The following OPCML variants were observed in gnomAD, a reference collection of about 807,000 sequenced individuals.
The protein encoded by OPCML is opioid-binding protein/cell adhesion molecule.
OPCML carries 13 observed loss-of-function variants against 37.8 expected under a neutral mutation model. The observed-to-expected ratio is 0.34, with a 90% CI of 0.22 to 0.55. The LOEUF (loss-of-function observed/expected upper bound fraction) is 0.55, where lower values mean the gene tolerates loss of function less well. OPCML is among the 20% of genes least tolerant of loss of function. OPCML has a pLI of 0.91. For missense variants in OPCML, 341 were observed against 435.6 expected (o/e 0.78, Z 1.93); for synonymous variants, 176 against 168.8 (o/e 1.04, Z -0.33).
rs919597404 is a variant in OPCML, at chr11:132,832,412, A to T, written c.146+110514T>A. Among the ~76,000 whole-genome samples the T allele has an allele frequency of 3.9e-5, 6 of 152,216 alleles. 1 individual carries two copies. The highest frequency in any genetic ancestry group is 3.9e-4 in the Admixed American group (6 of 15,290). On this transcript the variant is annotated intron_variant, in intron 2 of 7. Transcript: ENST00000524381. ...TTTAGAATCTTTCTCTGACTTCCTC[A>T]TTCCAACCAAAGAATAGATATCCTT... is the stretch of plus-strand genomic sequence containing the variant.
chr11:133,061,952 G>C (rs1432964802), intron 1 of OPCML, among the ~76,000 whole-genome samples: 1 of 152,148 alleles, frequency 6.6e-6, no homozygotes, highest in Non-Finnish European at 1.5e-5. Flanking sequence ...TTTTGAGGAA[G>C]CCCATTGGAT....
chr11:133,096,572 G>A (rs1432915088), intron 1 of OPCML, among the ~76,000 whole-genome samples: 4 of 152,006 alleles, frequency 2.6e-5, no homozygotes, highest in South Asian at 2.1e-4. Context: ...TGAAAACATC[G>A]ATTAAAACAG....
At chr11:133,027,974 A>C (rs1250416192) in intron 1 of OPCML, among the ~76,000 whole-genome samples, 1 of 151,750 alleles carries the variant, frequency 6.6e-6, no homozygotes, top group Non-Finnish European at 1.5e-5. Context: ...GGAATTCTAC[A>C]TGTAGTGAAT....
At chr11:132,949,717 A>G (rs1945818286) in intron 1 of OPCML, among the ~76,000 whole-genome samples, 1 of 152,252 alleles carries the variant, frequency 6.6e-6, no homozygotes, top group Non-Finnish European at 1.5e-5. Context: ...GTAAATATGT[A>G]TGACACACCT....
At chr11:132,825,962 C>T (rs561240137) in intron 2 of OPCML, among the ~76,000 whole-genome samples, 2 of 152,268 alleles carry the variant, frequency 1.3e-5, no homozygotes, top group East Asian at 3.9e-4. Context: ...GTGTGAACCC[C>T]GCTACCTCCC....
chr11:133,439,347 AC>A, intron 1 of OPCML: 1 of 985,304 alleles, frequency 1.0e-6, no homozygotes, highest in Non-Finnish European at 1.2e-6. Context: ...AAACAAACAA[AC>A]CAAACTCCAC....
chr11:133,067,624 C>T (rs1468946378), intron 1 of OPCML: 1 of 152,208 alleles, frequency 6.6e-6, no homozygotes, highest in Non-Finnish European at 1.5e-5. Context: ...GAGAAGATGT[C>T]TTCACTCAGT....
intron 1 of OPCML, among the ~76,000 whole-genome samples, chr11:133,144,228 G>T (rs1015484808): frequency 6.6e-6 from 1 of 152,182 alleles, no homozygotes; most frequent in Admixed American, 6.5e-5. Context: ...CCCAGGGCTG[G>T]TTCCCAGGGA....
intron 3 of OPCML, among the ~76,000 whole-genome samples, chr11:132,596,107 T>A (rs375391406): frequency 1.3e-5 from 2 of 152,198 alleles, no homozygotes; most frequent in African/African-American, 4.8e-5. Context: ...GATTTTCACA[T>A]ACATGACATA....
At chr11:132,488,478 T>C (rs1227183830) in intron 4 of OPCML, among the ~76,000 whole-genome samples, 1 of 152,134 alleles carries the variant, frequency 6.6e-6, no homozygotes, top group East Asian at 1.9e-4. Flanking sequence ...CTGTAAGCAA[T>C]TGGAACTGTA....
intron 1 of OPCML, among the ~76,000 whole-genome samples, chr11:133,080,738 C>T (rs1197166201): frequency 1.3e-5 from 2 of 152,170 alleles, no homozygotes; most frequent in Non-Finnish European, 2.9e-5. Flanking sequence ...TATAAAAGCT[C>T]TTGTCGCTAT....
At chr11:132,896,271 A>G (rs1943838670) in intron 2 of OPCML, among the ~76,000 whole-genome samples, 1 of 152,206 alleles carries the variant, frequency 6.6e-6, no homozygotes, top group Non-Finnish European at 1.5e-5. Flanking sequence ...GGTCCAGAAG[A>G]CAGACTTTTC....
At chr11:133,267,729 T>C (rs1412831992) in intron 1 of OPCML, among the ~76,000 whole-genome samples, 3 of 152,058 alleles carry the variant, frequency 2.0e-5, no homozygotes, top group South Asian at 2.1e-4. Context: ...TGGGAGGTAA[T>C]TGAATCATGT....
At chr11:132,778,564 T>C (rs992395835) in intron 2 of OPCML, among the ~76,000 whole-genome samples, 1 of 152,244 alleles carries the variant, frequency 6.6e-6, no homozygotes, top group African/African-American at 2.4e-5. Context: ...TCCGTGTTTT[T>C]CTGTGGAATT....
intron 1 of OPCML, among the ~76,000 whole-genome samples, chr11:133,191,126 T>C (rs2136301361): frequency 6.6e-6 from 1 of 152,320 alleles, no homozygotes; most frequent in East Asian, 1.9e-4. Flanking sequence ...CCAGTTTCTC[T>C]ACATCCTCAT....
chr11:132,973,781 A>C (rs975243598), intron 1 of OPCML, among the ~76,000 whole-genome samples: 1 of 152,166 alleles, frequency 6.6e-6, no homozygotes, highest in Non-Finnish European at 1.5e-5. Flanking sequence ...CAATCTTCTC[A>C]TTCCCCTGAG....
intron 1 of OPCML, among the ~76,000 whole-genome samples, chr11:132,962,543 G>A (rs2136726730): frequency 6.6e-6 from 1 of 152,314 alleles, no homozygotes; most frequent in African/African-American, 2.4e-5. Flanking sequence ...TGGACCAAAG[G>A]AAAACCCTGC....
chr11:133,031,518 A>AATGGATGGATGGATGGTTGG (rs1227611953), intron 1 of OPCML, among the ~76,000 whole-genome samples: 6 of 138,656 alleles, frequency 4.3e-5, no homozygotes, highest in African/African-American at 1.6e-4. Context: ...TGGGTAGGTG[A>AATGGATGGATGGATGGTTGG]ATGGATGGAT....
At chr11:133,520,604 T>A (rs1591594512) in intron 1 of OPCML, among the ~76,000 whole-genome samples, 3 of 152,120 alleles carry the variant, frequency 2.0e-5, no homozygotes, top group Non-Finnish European at 2.9e-5. Flanking sequence ...TTCTAAAACA[T>A]GTTCAGTAGT....
Sources: gnomAD v4.1 joint callset for allele counts (sites outside exome capture counted in the v4.1 genomes callset) on GRCh38, gnomAD v4.1.1 for gene constraint, MANE v1.5 for transcripts, NCBI Gene and HGNC (gene_info 2026-07-23, HGNC 2026-07-21) for gene names.